Variants in ZNF234 observed in about 807,000 individuals in gnomAD.
ZNF234 encodes the protein zinc finger protein 234.
In ZNF234, 4 loss-of-function variants were observed where a neutral mutation model predicts 10.3. The observed-to-expected ratio is 0.39, with a 90% CI of 0.19 to 0.89. The LOEUF (loss-of-function observed/expected upper bound fraction) is 0.89. Ranked by LOEUF, ZNF234 falls within the 40% of genes least tolerant of loss-of-function variation. ZNF234 has a pLI of 0.38. For missense variants in ZNF234, 711 were observed against 836.1 expected, an observed-to-expected ratio of 0.85 and a Z score of 1.85; for synonymous variants, 258 against 280.1, an observed-to-expected ratio of 0.92 and a Z score of 0.79.
rs1968907865 is a variant in ZNF234 at position 44,157,114 on chromosome 19, C to T, written c.1098C>T (p.His366=). 1.9e-6 allele frequency: 3 copies of T among 1,614,076 alleles called. No individual in the cohort carries two copies. Among genetic ancestry groups the T allele is most frequent in the Non-Finnish European group, 2.5e-6 (3 of 1,180,034 alleles). The change falls in exon 6 of 6, where the codon CAC becomes CAT. Residue 366 remains histidine, a synonymous_variant. Transcript: ENST00000426739. ...AATTTCAGGCCCATCGGAGAATCCACACTGGAGAGAAACCATACGTATGTA... is the reference window on the plus strand; with the variant it reads ...AATTTCAGGCCCATCGGAGAATCCATACTGGAGAGAAACCATACGTATGTA... The part of the protein sequence containing the change: ...PSQFQAHRRI[H]TGEKPYVCKV...
At chr19:44,142,800 G>A (rs1358017629) in intron 2 of ZNF234, among the ~76,000 whole-genome samples, 1 of 152,164 alleles carries the variant, frequency 6.6e-6, no homozygotes, top group Non-Finnish European at 1.5e-5. Flanking sequence ...TCACTGTGAA[G>A]CATTCAGAAA....
chr19:44,159,549 G>A lies in ZNF234; in HGVS notation c.*1430G>A. 1 of 413,728 alleles carries A rather than the reference G, an allele frequency of 2.4e-6. No homozygotes were observed. The highest frequency in any genetic ancestry group is 5.2e-6 in the Non-Finnish European group (1 of 193,158). 25.6% of individuals were successfully genotyped at this position (413,728 alleles called of 1,614,324 possible). ...TTAATTAACCTGACAAGAGTTTACT[G>A]AATATCACACAATTGAGTTTTTAAT... is the stretch of plus-strand genomic sequence containing the variant. On this transcript the variant is annotated 3_prime_UTR_variant, in exon 6 of 6. Coordinates refer to ENST00000426739, the MANE Select transcript of ZNF234 (RefSeq NM_006630.3).
rs191707397 is a variant in ZNF234, at chr19:44,146,347, T to C, written c.15+1700T>C. On this transcript the variant is annotated intron_variant, in intron 3 of 5. Coordinates refer to ENST00000426739, the MANE Select transcript of ZNF234 (RefSeq NM_006630.3). ...CTCGGGTATATACCCAGTAATGAGA[T>C]GGCTGGGTCAAATGGTATTTCTAGT... Among the ~76,000 whole-genome samples the C allele has an allele frequency of 1.5e-4, 23 of 152,326 alleles. 1 individual carries two copies. Among genetic ancestry groups the C allele is most frequent in the Admixed American group, 1.5e-3 (23 of 15,288 alleles).
Position 44,157,628 on chromosome 19 carries a change from A to G in ZNF234, c.1612A>G (p.Lys538Glu). The change falls in exon 6 of 6, where the codon AAA becomes GAA. Residue 538 changes from lysine (K) to glutamate (E), a missense_variant. Transcript: ENST00000426739. ...LTHQRVHSGEKPFKCEECGKS... is the reference protein window; with the variant it reads ...LTHQRVHSGEEPFKCEECGKS... ...CCATCAGAGAGTTCACAGTGGGGAA[A>G]AACCATTTAAATGTGAAGAGTGTGG... The G allele has an allele frequency of 1.2e-6, 2 of 1,614,038 alleles. No individual in the cohort carries two copies. The highest frequency in any genetic ancestry group is 1.7e-6 in the Non-Finnish European group (2 of 1,180,006).
In ZNF234 at chr19:44,143,190, T is replaced by C. The variant is rs376687844; in HGVS notation, c.-77+823T>C. ...AGGGCAGGGCATGGTGGGTCATGCC[T>C]GAGTCCTGAGTTATGGAACTGAGGC... On this transcript the variant is annotated intron_variant, in intron 2 of 5. Transcript: ENST00000426739. Among the ~76,000 whole-genome samples, 73 of 118,192 alleles carry C rather than the reference T, an allele frequency of 6.2e-4. 1 individual carries two copies. The East Asian group carries it at 0.015, about 24-fold the overall frequency. The allele number at this position is 118,192 out of a possible 152,430, so 77.5% of individuals were successfully genotyped here. A position where few individuals can be genotyped will look rare whatever the true frequency, so the allele number is the denominator to read the frequency against.
chr19:44,151,683 C>T (rs929091111), intron 5 of ZNF234, among the ~76,000 whole-genome samples: 1 of 152,202 alleles, frequency 6.6e-6, no homozygotes, highest in African/African-American at 2.4e-5. Context: ...CTGTATCGTT[C>T]CCTTATCAGT....
Position 44,157,452 on chromosome 19 carries a change from C to T in ZNF234, c.1436C>T (p.Thr479Ile). The T allele has an allele frequency of 1.2e-6, 2 of 1,613,928 alleles. No individual in the cohort carries two copies. Among genetic ancestry groups the T allele is most frequent in the South Asian group, 1.1e-5 (1 of 91,084 alleles). Residue 479 changes from threonine (T) to isoleucine (I), a missense_variant, in exon 6 of 6, where the codon ACC (threonine) becomes ATC (isoleucine). Physicochemically the swap from Thr to Ile is moderately conservative, Grantham distance 89. Transcript: ENST00000426739. The stretch of plus-strand genomic sequence containing the variant: ...CTTCAGATTCACCAGCTGATCCATA[C>T]CGGTGAGAAACCATACAAATGTGAA... ...SRLQIHQLIH[T>I]GEKPYKCEEC...
intron 2 of ZNF234, among the ~76,000 whole-genome samples, chr19:44,143,106 C>G (rs1481274246): frequency 6.7e-6 from 1 of 149,612 alleles, no homozygotes; most frequent in Non-Finnish European, 1.5e-5. Flanking sequence ...TTTAAAAAAA[C>G]TTTAACACAG....
At position 44,156,742 on chromosome 19, in the gene ZNF234, T is replaced by C; in HGVS notation, c.726T>C (p.Ser242=). The C allele has an allele frequency of 6.2e-7, 1 of 1,613,950 alleles. No homozygotes were observed. Among genetic ancestry groups the C allele is most frequent in the Non-Finnish European group, 8.5e-7 (1 of 1,179,924 alleles). The change falls in exon 6 of 6, where the codon AGT becomes AGC. Residue 242 remains serine, a synonymous_variant. Coordinates refer to ENST00000426739, the MANE Select transcript of ZNF234 (RefSeq NM_006630.3). The part of the protein sequence containing the change: ...FKCVECGKGF[S]RRSTLTVHCK... ...GTGTGGAATGTGGGAAAGGCTTCAG[T>C]CGTAGATCAACACTTACTGTACATT...
rs1568555775 is a variant in ZNF234 at position 44,158,119 on chromosome 19, AT to A, written c.*2del. 1 of 1,480,508 alleles carries A rather than the reference AT, an allele frequency of 6.8e-7. No homozygotes were observed. Among genetic ancestry groups the A allele is most frequent in the Non-Finnish European group, 8.9e-7 (1 of 1,120,958 alleles). 91.7% of individuals were successfully genotyped at this position (1,480,508 alleles called of 1,614,324 possible). ...CAGAGGGAGGAAGTTCTACAAGGTG[AT>A]TAAAAAAAAAAAAACAGAACTCATG... is the stretch of plus-strand genomic sequence containing the variant. On this transcript the variant is annotated 3_prime_UTR_variant, in exon 6 of 6. Coordinates refer to ENST00000426739, the MANE Select transcript of ZNF234 (RefSeq NM_006630.3).
chr19:44,146,632 A>G, intron 3 of ZNF234, among the ~76,000 whole-genome samples: 1 of 152,194 alleles, frequency 6.6e-6, no homozygotes. Flanking sequence ...TATTTACCAC[A>G]CAGGTGCCAA....
intron 5 of ZNF234, among the ~76,000 whole-genome samples, chr19:44,154,773 G>C (rs868011058): frequency 1.3e-5 from 2 of 151,264 alleles, no homozygotes; most frequent in East Asian, 3.9e-4. Context: ...TGTTAACTAC[G>C]GGTGCGTGCC....
rs975683348 is a variant in ZNF234 at position 44,158,328 on chromosome 19, G to A, written c.*209G>A. On this transcript the variant is annotated 3_prime_UTR_variant, in exon 6 of 6. Transcript: ENST00000426739. ...TGCTGGATGCAGTGGTGCTATCTCAGCTCACTGTAACCTCCACTTCCCGGG... is the reference window on the plus strand; with the variant it reads ...TGCTGGATGCAGTGGTGCTATCTCAACTCACTGTAACCTCCACTTCCCGGG... 1.7e-6 allele frequency: 1 copy of A among 573,468 alleles called. No homozygotes were observed. The allele number at this position is 573,468 out of a possible 1,614,324, so 35.5% of individuals were successfully genotyped here.
intron 2 of ZNF234, among the ~76,000 whole-genome samples, chr19:44,142,786 C>T (rs542865542): frequency 4.6e-5 from 7 of 152,202 alleles, no homozygotes; most frequent in Admixed American, 2.6e-4. Context: ...CTAATAGAAC[C>T]GTATCACTGT....
chr19:44,151,980 T>A (rs1106562), intron 5 of ZNF234, among the ~76,000 whole-genome samples: 21,373 of 152,068 alleles, frequency 0.14, 3,838 homozygotes, highest in African/African-American at 0.41. Flanking sequence ...TCTTTGGGGG[T>A]TGATTATTCT....
At chr19:44,150,700 A>G (rs902003498) in intron 5 of ZNF234, among the ~76,000 whole-genome samples, 195 bp downstream of exon 5, 2 of 152,158 alleles carry the variant, frequency 1.3e-5, no homozygotes, top group Non-Finnish European at 1.5e-5. Flanking sequence ...TCCATATCAT[A>G]GCTAAAGTGA....
rs897717678 is a variant in ZNF234 at position 44,158,339 on chromosome 19, C to T, written c.*220C>T. On this transcript the variant is annotated 3_prime_UTR_variant, in exon 6 of 6. Transcript: ENST00000426739. Reference sequence around the variant, plus strand: ...GTGGTGCTATCTCAGCTCACTGTAACCTCCACTTCCCGGGTTCAAGTGATT... The same window carrying T: ...GTGGTGCTATCTCAGCTCACTGTAATCTCCACTTCCCGGGTTCAAGTGATT... The T allele has an allele frequency of 2.1e-5, 11 of 527,220 alleles. No individual in the cohort carries two copies. Among genetic ancestry groups the T allele is most frequent in the Non-Finnish European group, 3.4e-5 (10 of 292,142 alleles). The allele number at this position is 527,220 out of a possible 1,614,324, so 32.7% of individuals were successfully genotyped here.
chr19:44,145,377 A>G (rs559418944), intron 3 of ZNF234, among the ~76,000 whole-genome samples: 1 of 152,244 alleles, frequency 6.6e-6, no homozygotes, highest in East Asian at 1.9e-4. Context: ...TAAGAATTTT[A>G]TTGTTTTACA....
intron 5 of ZNF234, among the ~76,000 whole-genome samples, chr19:44,153,232 G>A (rs183266542): frequency 9.9e-4 from 139 of 139,828 alleles, no homozygotes; most frequent in Admixed American, 2.8e-3. Flanking sequence ...ATTTTCCCAA[G>A]GTGTCACGGT....
Sources: gnomAD v4.1 joint callset for allele counts (sites outside exome capture counted in the v4.1 genomes callset) on GRCh38, gnomAD v4.1.1 for gene constraint, MANE v1.5 for transcripts, NCBI Gene and HGNC (gene_info 2026-07-23, HGNC 2026-07-21) for gene names.